Variants in PIBF1 observed in about 807,000 individuals in gnomAD.
PIBF1 encodes progesterone immunomodulatory binding factor 1.
A neutral mutation model predicts 112.5 loss-of-function variants in PIBF1; 90 were observed. That is an observed-to-expected ratio of 0.80 (90% CI 0.67 to 0.95). The LOEUF is 0.95. Among genes scored for constraint, PIBF1 ranks in the 40% least tolerant of loss-of-function variants. The pLI, the probability that PIBF1 is intolerant of heterozygous loss-of-function variation, is 0.00. For missense variants in PIBF1, 915 were observed against 852.3 expected (o/e 1.07, Z -0.92); for synonymous variants, 301 against 288.6 (o/e 1.04, Z -0.44).
At chr13:72,805,124 C>T (rs1197579635) in intron 5 of PIBF1, among the ~76,000 whole-genome samples, 1 of 152,104 alleles carries the variant, frequency 6.6e-6, no homozygotes, top group Non-Finnish European at 1.5e-5. Flanking sequence ...CAGGCACCCA[C>T]CACCACACTC....
intron 14 of PIBF1, among the ~76,000 whole-genome samples, chr13:72,948,685 G>T (rs1024460141): frequency 2.0e-5 from 3 of 152,166 alleles, no homozygotes; most frequent in African/African-American, 4.8e-5. Context: ...AAAGAAAGAG[G>T]TTTAATTGAT....
intron 6 of PIBF1, among the ~76,000 whole-genome samples, chr13:72,822,247 G>A (rs1324520666): frequency 6.6e-6 from 1 of 151,668 alleles, no homozygotes; most frequent in East Asian, 1.9e-4. Context: ...TTTTTTCAGT[G>A]TTATTTGATG....
At chr13:72,931,938 C>CTT (rs59274277) in intron 14 of PIBF1, among the ~76,000 whole-genome samples, 13 of 100,820 alleles carry the variant, frequency 1.3e-4, no homozygotes, top group African/African-American at 1.9e-4. Flanking sequence ...TTGTTTCTTT[C>CTT]TTTTTTTTTT....
intron 16 of PIBF1, among the ~76,000 whole-genome samples, chr13:72,987,874 T>TA (rs2043355939): frequency 8.4e-6 from 1 of 118,866 alleles, no homozygotes; most frequent in Non-Finnish European, 1.7e-5. Flanking sequence ...TTTTTTTTTT[T>TA]TTTTTTTGAG....
intron 9 of PIBF1, chr13:72,836,202 A>G: frequency 2.4e-6 from 1 of 408,388 alleles, no homozygotes; most frequent in Non-Finnish European, 4.9e-6. Flanking sequence ...ATTCAGGGAA[A>G]ATAAATACTA....
In PIBF1 at chr13:72,917,087, G is replaced by A; in HGVS notation, c.1651G>A (p.Asp551Asn). The A allele has an allele frequency of 6.3e-7, 1 of 1,582,830 alleles. No individual in the cohort carries two copies. Among genetic ancestry groups the A allele is most frequent in the Non-Finnish European group, 8.6e-7 (1 of 1,163,856 alleles). ...IMQTAEIENE[D>N]EAERVLFSYG... ...TTAATATTTTCCAGTTGAAAATGAA[G>A]ATGAGGCTGAAAGGGTTCTTTTTTC... is the stretch of plus-strand genomic sequence containing the variant. Residue 551 changes from aspartate to asparagine, a missense_variant, in exon 13 of 18, where the codon GAT becomes AAT. By Grantham distance (23) the Asp-to-Asn change is conservative (BLOSUM62 1). Coordinates refer to ENST00000326291, the MANE Select transcript of PIBF1 (RefSeq NM_006346.4).
intron 14 of PIBF1, among the ~76,000 whole-genome samples, chr13:72,940,282 A>G (rs1463504932): frequency 3.3e-5 from 5 of 151,558 alleles, no homozygotes; most frequent in East Asian, 1.9e-4. Context: ...TTTTTTCACC[A>G]CTGTATAATC....
chr13:72,833,855 C>A lies in PIBF1; in HGVS notation c.1098-1388C>A, dbSNP rs115766893. On this transcript the variant is annotated intron_variant, in intron 8 of 17. Transcript: ENST00000326291. The stretch of plus-strand genomic sequence containing the variant: ...CTGCTGAAGCTGCACCCACAGGCAC[C>A]CCTTTCCCCAGGTGCTCTGTCCCAG... Among the ~76,000 whole-genome samples the A allele has an allele frequency of 6.3e-3, 961 of 152,272 alleles. 19 individuals carry two copies. The highest frequency in any genetic ancestry group is 0.022 in the African/African-American group (899 of 41,556).
At chr13:72,951,613 G>A (rs1417406593) in intron 14 of PIBF1, among the ~76,000 whole-genome samples, 1 of 152,122 alleles carries the variant, frequency 6.6e-6, no homozygotes, top group Non-Finnish European at 1.5e-5. Flanking sequence ...GTAACATGCT[G>A]GAAAAGACAA....
chr13:72,824,865 A>C (rs778852726), intron 6 of PIBF1, among the ~76,000 whole-genome samples: 1 of 152,220 alleles, frequency 6.6e-6, no homozygotes, highest in South Asian at 2.1e-4. Context: ...ACCTCAGTAC[A>C]TCTTCACATA....
chr13:72,916,610 T>C (rs113037892), intron 12 of PIBF1, among the ~76,000 whole-genome samples: 8 of 152,012 alleles, frequency 5.3e-5, no homozygotes, highest in African/African-American at 1.7e-4. Context: ...CTGCACAGTT[T>C]TTAATAGAGT....
intron 5 of PIBF1, among the ~76,000 whole-genome samples, chr13:72,805,439 G>T (rs2035684433): frequency 6.6e-6 from 1 of 152,116 alleles, no homozygotes; most frequent in Non-Finnish European, 1.5e-5. Flanking sequence ...ACCACACCTG[G>T]CCTGAAGTTA....
intron 5 of PIBF1, among the ~76,000 whole-genome samples, chr13:72,809,988 A>G (rs894110125): frequency 3.3e-5 from 5 of 152,174 alleles, no homozygotes; most frequent in Admixed American, 2.6e-4. Flanking sequence ...CCAGATCTTT[A>G]GTTATTTGCA....
chr13:72,810,737 A>T (rs898000974), intron 5 of PIBF1, among the ~76,000 whole-genome samples: 2 of 152,234 alleles, frequency 1.3e-5, no homozygotes, highest in African/African-American at 4.8e-5. Context: ...ACAAATTAGT[A>T]AACAGTGATA....
chr13:72,800,379 A>G (rs560357043), intron 5 of PIBF1, among the ~76,000 whole-genome samples: 2 of 152,368 alleles, frequency 1.3e-5, no homozygotes, highest in African/African-American at 2.4e-5. Context: ...TCAATATTCA[A>G]ATAAATGTCA....
chr13:73,013,731 CAAAAA>C (rs113104076), intron 17 of PIBF1, among the ~76,000 whole-genome samples: 3 of 113,056 alleles, frequency 2.7e-5, no homozygotes, highest in Admixed American at 1.1e-4. Context: ...GAGCCTATCT[CAAAAA>C]AAAAAAAAAA....
chr13:72,996,092 G>GC (rs981840296), intron 16 of PIBF1, among the ~76,000 whole-genome samples: 3 of 121,934 alleles, frequency 2.5e-5, no homozygotes, highest in South Asian at 3.2e-4. Flanking sequence ...AAAAGCGGGG[G>GC]GGGGGGGTCA....
rs71099767 is a variant in PIBF1 at position 72,904,433 on chromosome 13, C to CTTTTTTTTTTTTTTTTTTTTTTTTT, written c.1489-4097_1489-4073dup. 1.9e-3 allele frequency among the ~76,000 whole-genome samples: 71 copies of CTTTTTTTTTTTTTTTTTTTTTTTTT among 36,554 alleles called. 20 individuals carry two copies. Among genetic ancestry groups the CTTTTTTTTTTTTTTTTTTTTTTTTT allele is most frequent in the East Asian group, 4.4e-3 (4 of 902 alleles). The allele number at this position is 36,554 out of a possible 152,430, so 24.0% of individuals were successfully genotyped here. On this transcript the variant is annotated intron_variant, in intron 11 of 17. Transcript: ENST00000326291. ...ATTTATCCAAAATATCAAAATATTT[C>CTTTTTTTTTTTTTTTTTTTTTTTTT]TTTTTTTTTTTTTTTTTTTTTTTTT...
chr13:72,789,837 C>T (rs940672648), intron 2 of PIBF1, among the ~76,000 whole-genome samples: 5 of 151,844 alleles, frequency 3.3e-5, no homozygotes, highest in African/African-American at 2.4e-5. Flanking sequence ...CATAGTGACT[C>T]TCAAAAAGTT....
Sources: allele counts gnomAD v4.1 joint callset (sites outside exome capture counted in the v4.1 genomes callset), GRCh38; gene constraint gnomAD v4.1.1; transcripts MANE v1.5; gene names NCBI Gene and HGNC (gene_info 2026-07-23, HGNC 2026-07-21).